RBM33: variants seen among roughly 807,000 people sequenced by gnomAD.
RBM33 encodes RNA-binding protein 33.
RBM33 carries 28 observed loss-of-function variants against 132.6 expected under a neutral mutation model. That is an observed-to-expected ratio of 0.21 (90% confidence interval 0.16 to 0.29). The LOEUF is 0.29. Among genes scored for constraint, RBM33 ranks in the 10% least tolerant of loss-of-function variants. The pLI is 1.00. For missense variants in RBM33, 1,291 were observed against 1,518.5 expected, an observed-to-expected ratio of 0.85 and a Z score of 2.49; for synonymous variants, 634 against 593.0, an observed-to-expected ratio of 1.07 and a Z score of -1.01.
chr7:155,771,225 T>A lies in RBM33; in HGVS notation c.3376-3334T>A, dbSNP rs545156770. Among the ~76,000 whole-genome samples, 16 of 152,342 alleles carry A rather than the reference T, an allele frequency of 1.1e-4. No individual in the cohort carries two copies. The South Asian group carries it at 3.3e-3, about 32-fold the overall frequency. On this transcript the variant is annotated intron_variant, in intron 16 of 17. Coordinates refer to ENST00000401878, the MANE Select transcript of RBM33 (RefSeq NM_053043.3). Reference sequence around the variant, plus strand: ...TGTTGCTCAGGTGTGTAGACGTGTATATTTTCACAGTGGAAGCTGGCGACC... The same window carrying A: ...TGTTGCTCAGGTGTGTAGACGTGTAAATTTTCACAGTGGAAGCTGGCGACC...
chr7:155,730,997 C>A (rs1800938934), intron 9 of RBM33, among the ~76,000 whole-genome samples: 1 of 130,064 alleles, frequency 7.7e-6, no homozygotes, highest in Non-Finnish European at 1.5e-5. Context: ...GGACTAAAGT[C>A]TTTGAGTTTC....
At chr7:155,725,977 A>G (rs943914640) in intron 9 of RBM33, among the ~76,000 whole-genome samples, 1 of 152,222 alleles carries the variant, frequency 6.6e-6, no homozygotes, top group African/African-American at 2.4e-5. Context: ...GAGAATACTG[A>G]AATAAGAGGA....
At chr7:155,688,049 C>G (rs765431619) in intron 5 of RBM33, among the ~76,000 whole-genome samples, 11 of 152,152 alleles carry the variant, frequency 7.2e-5, no homozygotes, top group Non-Finnish European at 1.3e-4. Context: ...GGCATTGAAT[C>G]TATAAATTAC....
At position 155,647,726 on chromosome 7, in the gene RBM33, C is replaced by T. The variant is rs370871765; in HGVS notation, c.43+2807C>T. On this transcript the variant is annotated intron_variant, in intron 1 of 17. Coordinates refer to ENST00000401878, the MANE Select transcript of RBM33 (RefSeq NM_053043.3). ...TGAGCCACCATGCCTTGGCATGATA[C>T]ATTTCAAAGGAGTCATTTGGTATTG... Among the ~76,000 whole-genome samples the T allele has an allele frequency of 2.9e-4, 44 of 152,290 alleles. No homozygotes were observed. In the South Asian group the frequency reaches 8.5e-3, roughly 29 times the overall value.
intron 6 of RBM33, among the ~76,000 whole-genome samples, chr7:155,703,697 A>G (rs1375633484): frequency 6.6e-6 from 1 of 152,176 alleles, no homozygotes; most frequent in African/African-American, 2.4e-5. Context: ...CAAACAAAAG[A>G]TGAATTTTAC....
At chr7:155,672,601 A>T (rs1384011532) in intron 2 of RBM33, among the ~76,000 whole-genome samples, 1 of 152,078 alleles carries the variant, frequency 6.6e-6, no homozygotes, top group East Asian at 1.9e-4. Context: ...CTAAAGATAC[A>T]CAAAATTAGC....
intron 16 of RBM33, among the ~76,000 whole-genome samples, chr7:155,767,790 G>T (rs1324178826): frequency 6.6e-6 from 1 of 152,202 alleles, no homozygotes; most frequent in Non-Finnish European, 1.5e-5. Flanking sequence ...GCTATTAGAA[G>T]CGTACAGTGT....
At chr7:155,648,495 A>G (rs1488955651) in intron 1 of RBM33, among the ~76,000 whole-genome samples, 4 of 152,210 alleles carry the variant, frequency 2.6e-5, no homozygotes, top group Admixed American at 2.0e-4. Flanking sequence ...GAAATTGTGA[A>G]AGTGAAACAA....
In RBM33 at chr7:155,766,669, G is replaced by T. The variant is rs1484717375; in HGVS notation, c.3375+14G>T. ...GGACCCATTCAGGTAGCCGCCTGGG[G>T]GTGGCATCTGTGCCACGGGTAGTTG... On this transcript the variant is annotated intron_variant, in intron 16 of 17. Coordinates refer to ENST00000401878, the MANE Select transcript of RBM33 (RefSeq NM_053043.3). 4.4e-6 allele frequency: 7 copies of T among 1,602,908 alleles called. No homozygotes were observed. In the African/African-American group the frequency reaches 9.4e-5, roughly 21 times the overall value.
chr7:155,644,683 T>G lies in RBM33; in HGVS notation c.-194T>G. On this transcript the variant is annotated 5_prime_UTR_variant, in exon 1 of 18. Coordinates refer to ENST00000401878, the MANE Select transcript of RBM33 (RefSeq NM_053043.3). ...GGCGGGCGCGGGCGCGCGGCCATGT[T>G]GCGGTAGTTTGTTGTTTTCTTCCTG... is the stretch of plus-strand genomic sequence containing the variant. 2.2e-6 allele frequency: 1 copy of G among 447,982 alleles called. No individual in the cohort carries two copies. The highest frequency in any genetic ancestry group is 3.9e-6 in the Non-Finnish European group (1 of 254,876). The allele number at this position is 447,982 out of a possible 1,614,324, so 27.8% of individuals were successfully genotyped here. A position where few individuals can be genotyped will look rare whatever the true frequency, so the allele number is the denominator to read the frequency against.
chr7:155,693,137 A>C (rs1300007233), intron 5 of RBM33, among the ~76,000 whole-genome samples: 1 of 152,224 alleles, frequency 6.6e-6, no homozygotes, highest in African/African-American at 2.4e-5. Context: ...GATTACTACT[A>C]AATGGTGGAA....
intron 8 of RBM33, among the ~76,000 whole-genome samples, chr7:155,717,742 C>T (rs1800507764): frequency 6.6e-6 from 1 of 152,200 alleles, no homozygotes; most frequent in Non-Finnish European, 1.5e-5. Flanking sequence ...GTGAAACTTA[C>T]ATCTAGCTTC....
intron 6 of RBM33, 115 bp downstream of exon 6, chr7:155,701,059 G>C (rs770756023): frequency 5.4e-5 from 48 of 881,772 alleles, no homozygotes; most frequent in Non-Finnish European, 8.6e-5. Flanking sequence ...TGCGGCTGCC[G>C]TCCGGAGAGT....
chr7:155,720,377 A>G (rs1035199622), intron 9 of RBM33, among the ~76,000 whole-genome samples: 18 of 152,196 alleles, frequency 1.2e-4, no homozygotes, highest in African/African-American at 3.6e-4. Context: ...TGAAATGTGT[A>G]TTTTTTAAAA....
chr7:155,759,412 G>GT lies in RBM33; in HGVS notation c.2980-4398dup, dbSNP rs1801955596. Among the ~76,000 whole-genome samples the GT allele has an allele frequency of 8.5e-5, 11 of 128,672 alleles. No homozygotes were observed. The Middle Eastern group carries it at 0.012, about 145-fold the overall frequency. The allele number at this position is 128,672 out of a possible 152,430, so 84.4% of individuals were successfully genotyped here. A position where few individuals can be genotyped will look rare whatever the true frequency, so the allele number is the denominator to read the frequency against. ...GGGTATTTATTGACTCAATGTTTAT[G>GT]TTCTTTTTTTTTTTTTTTTTTTTGA... On this transcript the variant is annotated intron_variant, in intron 14 of 17. Transcript: ENST00000401878.
At position 155,766,543 on chromosome 7, in the gene RBM33, T is replaced by C; in HGVS notation, c.3263T>C (p.Leu1088Pro). ...CGCCTGATGCCAAACAAGCAGAACCTGCGGGTGGTGGAGTGCAAGCCCCAG... is the reference window on the plus strand; with the variant it reads ...CGCCTGATGCCAAACAAGCAGAACCCGCGGGTGGTGGAGTGCAAGCCCCAG... The part of the protein sequence containing the change: ...RGRLMPNKQN[L>P]RVVECKPQPC... Residue 1088 changes from leucine to proline, a missense_variant, in exon 16 of 18, where the codon CTG (leucine) becomes CCG (proline). Coordinates refer to ENST00000401878, the MANE Select transcript of RBM33 (RefSeq NM_053043.3). The C allele has an allele frequency of 2.5e-6, 4 of 1,613,736 alleles. No homozygotes were observed. The highest frequency in any genetic ancestry group is 3.4e-6 in the Non-Finnish European group (4 of 1,179,852).
At chr7:155,749,105 C>T (rs1202313577) in intron 14 of RBM33, among the ~76,000 whole-genome samples, 5 of 151,938 alleles carry the variant, frequency 3.3e-5, no homozygotes, top group Admixed American at 1.3e-4. Context: ...TTTGGGACCC[C>T]GAACAATCAT....
chr7:155,661,146 A>ATTTTTTTTTTTT (rs3080619), intron 1 of RBM33, among the ~76,000 whole-genome samples: 1 of 81,182 alleles, frequency 1.2e-5, no homozygotes, highest in Admixed American at 1.4e-4. Flanking sequence ...ATATATATAT[A>ATTTTTTTTTTTT]TTTTTTTTTT....
intron 12 of RBM33, among the ~76,000 whole-genome samples, chr7:155,740,668 C>T (rs1029733032): frequency 2.0e-5 from 3 of 152,330 alleles, no homozygotes; most frequent in African/African-American, 2.4e-5. Flanking sequence ...AAATAAAAGG[C>T]CACAGTCATT....
Sources: allele counts gnomAD v4.1 joint callset (sites outside exome capture counted in the v4.1 genomes callset), GRCh38; gene constraint gnomAD v4.1.1; transcripts MANE v1.5; gene names NCBI Gene and HGNC (gene_info 2026-07-23, HGNC 2026-07-21).